Variants in MGRN1 observed in about 807,000 individuals in gnomAD.
MGRN1 encodes the protein E3 ubiquitin-protein ligase MGRN1.
MGRN1 carries 29 observed loss-of-function variants against 69.2 expected under a neutral mutation model. The observed-to-expected ratio is 0.42, with a 90% CI of 0.31 to 0.57. The LOEUF (loss-of-function observed/expected upper bound fraction) is 0.57. Among genes scored for constraint, MGRN1 ranks in the 20% least tolerant of loss-of-function variants. The pLI, the probability that MGRN1 is intolerant of heterozygous loss-of-function variation, is 0.15. For missense variants in MGRN1, 998 were observed against 796.2 expected, an observed-to-expected ratio of 1.25 and a Z score of -3.05; for synonymous variants, 470 against 344.2, an observed-to-expected ratio of 1.37 and a Z score of -4.04.
intron 1 of MGRN1, among the ~76,000 whole-genome samples, chr16:4,648,461 C>T (rs2078324801): frequency 8.9e-6 from 1 of 112,194 alleles, no homozygotes; most frequent in African/African-American, 4.6e-5. Flanking sequence ...GGACTCTTCC[C>T]GTGGTCACCT....
At chr16:4,636,634 G>A (rs1382131733) in intron 1 of MGRN1, among the ~76,000 whole-genome samples, 3 of 152,126 alleles carry the variant, frequency 2.0e-5, no homozygotes, top group Non-Finnish European at 2.9e-5. Flanking sequence ...GGTGTTGGTC[G>A]CTCTGCATTC....
chr16:4,666,165 T>C (rs548247888), intron 7 of MGRN1, among the ~76,000 whole-genome samples: 1 of 152,204 alleles, frequency 6.6e-6, no homozygotes, highest in African/African-American at 2.4e-5. Flanking sequence ...TCTCGCTCTG[T>C]TGCCCAGGCT....
At chr16:4,662,382 G>A (rs1277745460) in intron 5 of MGRN1, among the ~76,000 whole-genome samples, 2 of 151,990 alleles carry the variant, frequency 1.3e-5, no homozygotes, top group Non-Finnish European at 2.9e-5. Context: ...TGGGCGTGGT[G>A]GCGGGCGCCT....
chr16:4,666,149 A>G (rs2078800793), intron 7 of MGRN1, among the ~76,000 whole-genome samples: 2 of 151,392 alleles, frequency 1.3e-5, no homozygotes, highest in South Asian at 4.2e-4. Context: ...TTTTTTTTAA[A>G]CAGGGTCTCG....
At chr16:4,630,422 T>A (rs773346010) in intron 1 of MGRN1, among the ~76,000 whole-genome samples, 11 of 151,266 alleles carry the variant, frequency 7.3e-5, no homozygotes, top group Non-Finnish European at 1.3e-4. Flanking sequence ...GATTTTCTCC[T>A]ATTTTTTTCT....
chr16:4,681,645 T>G lies in MGRN1; in HGVS notation c.1227T>G (p.Pro409=), dbSNP rs1434201237. The G allele has an allele frequency of 2.5e-6, 4 of 1,613,444 alleles. No homozygotes were observed. Among genetic ancestry groups the G allele is most frequent in the Admixed American group, 1.7e-5 (1 of 60,032 alleles). ...RAVSPAIPSA[P]LYEEITYSGI... ...TCTCCCCGGCCATCCCCTCGGCCCC[T>G]CTTTATGAAGAAATCACCTATTCAG... Residue 409 remains proline (P), a synonymous_variant, in exon 13 of 17, where the codon CCT becomes CCG. Transcript: ENST00000262370.
chr16:4,690,711 C>CGCACCTCTACCCCACCCCAA lies in MGRN1; in HGVS notation c.*1812_*1831dup, dbSNP rs1567257891. The CGCACCTCTACCCCACCCCAA allele has an allele frequency of 6.6e-6, 1 of 152,106 alleles. No homozygotes were observed. The highest frequency in any genetic ancestry group is 1.5e-5 in the Non-Finnish European group (1 of 68,046). 9.4% of individuals were successfully genotyped at this position (152,106 alleles called of 1,614,324 possible). A position where few individuals can be genotyped will look rare whatever the true frequency, so the allele number is the denominator to read the frequency against. On this transcript the variant is annotated 3_prime_UTR_variant, in exon 17 of 17. Transcript: ENST00000262370. ...GTGCACTCGGACCGAGCATCTCCCA[C>CGCACCTCTACCCCACCCCAA]GCACCTCTACCCCACCCCAAGCACC...
Position 4,669,431 on chromosome 16 carries a change from C to CAAAAAAAAAAAAAAAAA in MGRN1, c.726+1120_726+1136dup, listed in dbSNP as rs58001283. Among the ~76,000 whole-genome samples, 9 of 92,990 alleles carry CAAAAAAAAAAAAAAAAA rather than the reference C, an allele frequency of 9.7e-5. 2 individuals carry two copies. The highest frequency in any genetic ancestry group is 3.9e-4 in the East Asian group (1 of 2,540). 61.0% of individuals were successfully genotyped at this position (92,990 alleles called of 152,430 possible). A position where few individuals can be genotyped will look rare whatever the true frequency, so the allele number is the denominator to read the frequency against. ...CCTGGGTGACAGAGGAAGACTGTGTCAAAAAAAAAAAAAAAAAGCTGTGCA... is the reference window on the plus strand; with the variant it reads ...CCTGGGTGACAGAGGAAGACTGTGTCAAAAAAAAAAAAAAAAAAAAAAAAAAAAAAAAAAGCTGTGCA... On this transcript the variant is annotated intron_variant, in intron 8 of 16. Transcript: ENST00000262370.
At chr16:4,671,162 C>T (rs896957997) in intron 8 of MGRN1, among the ~76,000 whole-genome samples, 2 of 152,050 alleles carry the variant, frequency 1.3e-5, no homozygotes, top group African/African-American at 4.8e-5. Context: ...GCTTCAGGCC[C>T]CCAGTAGTGG....
intron 7 of MGRN1, among the ~76,000 whole-genome samples, chr16:4,667,015 A>T (rs2078820179): frequency 6.6e-6 from 1 of 152,068 alleles, no homozygotes; most frequent in African/African-American, 2.4e-5. Flanking sequence ...CCCCGCCCCC[A>T]GTGTGCACTG....
In MGRN1 at chr16:4,652,063, C is replaced by T. The variant is rs1267930785; in HGVS notation, c.296+12C>T. The T allele has an allele frequency of 1.2e-6, 2 of 1,612,352 alleles. No homozygotes were observed. Among genetic ancestry groups the T allele is most frequent in the African/African-American group, 1.3e-5 (1 of 74,878 alleles). ...CTGCGGCTGGTGAGGTAACTTCACC[C>T]TGCCCCTGGGGACCCTGTGGCTCTG... On this transcript the variant is annotated intron_variant, in intron 3 of 16. Transcript: ENST00000262370.
intron 14 of MGRN1, 99 bp downstream of exon 14, chr16:4,683,045 G>T: frequency 6.8e-7 from 1 of 1,465,514 alleles, no homozygotes; most frequent in Non-Finnish European, 9.1e-7. Context: ...CCGCCTGGGC[G>T]CCCCCGTGCT....
rs150893432 is a variant in MGRN1 at position 4,663,391 on chromosome 16, T to TTTTTTTA, written c.562-1318_562-1317insTTTTTTA. On this transcript the variant is annotated intron_variant, in intron 5 of 16. Coordinates refer to ENST00000262370, the MANE Select transcript of MGRN1 (RefSeq NM_015246.4). ...TTTTTTTTTTTTTTTTTTTTTTTTT[T>TTTTTTTA]ACACCTTTATTGTGTTATAATTACC... 1.9e-4 allele frequency among the ~76,000 whole-genome samples: 24 copies of TTTTTTTA among 123,244 alleles called. 3 individuals are homozygous for TTTTTTTA. Among genetic ancestry groups the TTTTTTTA allele is most frequent in the Admixed American group, 2.6e-4 (3 of 11,686 alleles). 80.9% of individuals were successfully genotyped at this position (123,244 alleles called of 152,430 possible).
At chr16:4,644,327 G>A (rs897341961) in intron 1 of MGRN1, among the ~76,000 whole-genome samples, 6 of 61,746 alleles carry the variant, frequency 9.7e-5, no homozygotes, top group Admixed American at 5.8e-4. Flanking sequence ...TTTTTTTTTT[G>A]ATGGAGTTTC....
At chr16:4,688,597 G>T in intron 16 of MGRN1, 199 bp from the exon 17 acceptor site, 1 of 1,348,372 alleles carries the variant, frequency 7.4e-7, no homozygotes, top group Non-Finnish European at 9.6e-7. Flanking sequence ...TCCCAAGAGG[G>T]ACACAGCGTA....
intron 9 of MGRN1, chr16:4,672,595 G>A (rs1445304352): frequency 1.5e-5 from 6 of 391,814 alleles, no homozygotes; most frequent in Admixed American, 1.1e-4. Context: ...TCAGCCGCCC[G>A]GGCATATGGT....
At chr16:4,685,881 G>T (rs1300948176) in intron 16 of MGRN1, among the ~76,000 whole-genome samples, 1 of 152,196 alleles carries the variant, frequency 6.6e-6, no homozygotes, top group Non-Finnish European at 1.5e-5. Context: ...CCATGAGATG[G>T]TGAACACTGG....
chr16:4,688,930 A>G lies in MGRN1; in HGVS notation c.*22A>G. ...CTGAGAGCCTGGCCGAGCTGGCAGC[A>G]TGGAGCCCTCGGCTCCCCAGACTTT... On this transcript the variant is annotated 3_prime_UTR_variant, in exon 17 of 17. Transcript: ENST00000262370. 1.3e-6 allele frequency: 2 copies of G among 1,530,076 alleles called. No homozygotes were observed. Among genetic ancestry groups the G allele is most frequent in the Non-Finnish European group, 1.8e-6 (2 of 1,132,446 alleles). The allele number at this position is 1,530,076 out of a possible 1,614,324, so 94.8% of individuals were successfully genotyped here. A position where few individuals can be genotyped will look rare whatever the true frequency, so the allele number is the denominator to read the frequency against.
chr16:4,681,979 G>A (rs1012168363), intron 13 of MGRN1, among the ~76,000 whole-genome samples: 5 of 151,664 alleles, frequency 3.3e-5, no homozygotes, highest in Non-Finnish European at 7.4e-5. Context: ...AAGAGCGTCC[G>A]GGCAGCTGGA....
Sources: gnomAD v4.1 joint callset for allele counts (sites outside exome capture counted in the v4.1 genomes callset) on GRCh38, gnomAD v4.1.1 for gene constraint, MANE v1.5 for transcripts, NCBI Gene and HGNC (gene_info 2026-07-23, HGNC 2026-07-21) for gene names.